Variants in ADAMTS3 observed in about 807,000 individuals in gnomAD.
ADAMTS3 encodes A disintegrin and metalloproteinase with thrombospondin motifs 3.
ADAMTS3 carries 73 observed loss-of-function variants against 129.0 expected under a neutral mutation model. The observed-to-expected ratio is 0.57, with a 90% confidence interval of 0.47 to 0.69. The LOEUF (loss-of-function observed/expected upper bound fraction) is 0.69. Among genes scored for constraint, ADAMTS3 ranks in the 30% least tolerant of loss-of-function variants. The pLI is 0.00. For missense variants in ADAMTS3, 1,457 were observed against 1,514.5 expected (o/e 0.96, Z 0.63); for synonymous variants, 477 against 510.8 (o/e 0.93, Z 0.89).
chr4:72,533,673 A>ATATTTATATATCCATATATATG (rs1164175826), intron 3 of ADAMTS3, among the ~76,000 whole-genome samples: 1 of 151,372 alleles, frequency 6.6e-6, no homozygotes, highest in Non-Finnish European at 1.5e-5. Flanking sequence ...GTATATGCAC[A>ATATTTATATATCCATATATATG]TATATGCACA....
intron 4 of ADAMTS3, among the ~76,000 whole-genome samples, chr4:72,354,890 C>T (rs13112257): frequency 0.99 from 151,184 of 152,068 alleles, 75,159 homozygotes; most frequent in East Asian, 1. Context: ...GTTCTAGACA[C>T]TGGATTGTGT....
chr4:72,518,728 T>C (rs1189806068), intron 3 of ADAMTS3, among the ~76,000 whole-genome samples: 2 of 151,792 alleles, frequency 1.3e-5, no homozygotes, highest in Non-Finnish European at 2.9e-5. Flanking sequence ...AGCCTATGTG[T>C]GTCTCTGCAC....
intron 4 of ADAMTS3, among the ~76,000 whole-genome samples, chr4:72,353,359 C>T (rs987400317): frequency 6.6e-6 from 1 of 151,954 alleles, no homozygotes; most frequent in Non-Finnish European, 1.5e-5. Context: ...ACTGGATGAA[C>T]TCATATGAGA....
chr4:72,428,235 C>T (rs1722617347), intron 3 of ADAMTS3, among the ~76,000 whole-genome samples: 1 of 151,904 alleles, frequency 6.6e-6, no homozygotes. Flanking sequence ...TAGTAAAATG[C>T]TTTTCGTAAG....
chr4:72,418,056 G>T (rs1455089260), intron 3 of ADAMTS3, among the ~76,000 whole-genome samples: 1 of 151,742 alleles, frequency 6.6e-6, no homozygotes, highest in Non-Finnish European at 1.5e-5. Flanking sequence ...TAAAATACAT[G>T]CCTACTGAAA....
chr4:72,488,713 T>C (rs1309796462), intron 3 of ADAMTS3, among the ~76,000 whole-genome samples: 1 of 151,996 alleles, frequency 6.6e-6, no homozygotes, highest in East Asian at 1.9e-4. Flanking sequence ...GATAGACATA[T>C]ATATTTATGA....
At chr4:72,431,284 G>T (rs187682719) in intron 3 of ADAMTS3, among the ~76,000 whole-genome samples, 6 of 152,054 alleles carry the variant, frequency 3.9e-5, no homozygotes, top group Admixed American at 3.9e-4. Flanking sequence ...TCCAGGAACT[G>T]CGGATAATAC....
rs568730246 is a variant in ADAMTS3 at position 72,550,104 on chromosome 4, A to G, written c.98-1220T>C. ...GAGGAAGAAGAAGAAGAAGAAGAAGAAGAAGAAGAAGAAGGCATAGAAAGG... is the reference window on the plus strand; with the variant it reads ...GAGGAAGAAGAAGAAGAAGAAGAAGGAGAAGAAGAAGAAGGCATAGAAAGG... On this transcript the variant is annotated intron_variant, in intron 2 of 21. Coordinates refer to ENST00000286657, the MANE Select transcript of ADAMTS3 (RefSeq NM_014243.3). Among the ~76,000 whole-genome samples the G allele has an allele frequency of 2.5e-4, 34 of 137,056 alleles. 8 individuals carry two copies. Among genetic ancestry groups the G allele is most frequent in the South Asian group, 1.3e-3 (5 of 3,966 alleles). 89.9% of individuals were successfully genotyped at this position (137,056 alleles called of 152,430 possible). A position where few individuals can be genotyped will look rare whatever the true frequency, so the allele number is the denominator to read the frequency against.
intron 3 of ADAMTS3, among the ~76,000 whole-genome samples, chr4:72,464,167 C>T (rs1371509345): frequency 6.6e-6 from 1 of 152,036 alleles, no homozygotes; most frequent in East Asian, 1.9e-4. Context: ...CTGCTGCTCA[C>T]TTTTTAAATC....
intron 4 of ADAMTS3, among the ~76,000 whole-genome samples, chr4:72,350,592 C>G (rs1720408224): frequency 1.3e-5 from 2 of 151,968 alleles, no homozygotes; most frequent in African/African-American, 4.8e-5. Context: ...AATTACTTGA[C>G]AAGTTTGTTC....
intron 3 of ADAMTS3, among the ~76,000 whole-genome samples, chr4:72,440,916 T>G (rs1299595482): frequency 5.3e-5 from 8 of 151,800 alleles, no homozygotes; most frequent in African/African-American, 1.9e-4. Flanking sequence ...TTTATCTAAT[T>G]AAAATTAACA....
At chr4:72,432,992 T>C (rs1431279858) in intron 3 of ADAMTS3, among the ~76,000 whole-genome samples, 4 of 151,988 alleles carry the variant, frequency 2.6e-5, no homozygotes, top group African/African-American at 9.7e-5. Flanking sequence ...CATATATTTC[T>C]CAGTTCTCAT....
In ADAMTS3 at chr4:72,311,036, A is replaced by G. The variant is rs1719219239; in HGVS notation, c.2055+12T>C. Reference sequence around the variant, plus strand: ...AACGTAGAAAGCCTTTGGGGAAGCAATTTGAACTTACCACACACTCTCCTC... The same window carrying G: ...AACGTAGAAAGCCTTTGGGGAAGCAGTTTGAACTTACCACACACTCTCCTC... On this transcript the variant is annotated intron_variant, in intron 14 of 21. Transcript: ENST00000286657. The G allele has an allele frequency of 6.3e-7, 1 of 1,579,450 alleles. No individual in the cohort carries two copies. The highest frequency in any genetic ancestry group is 1.2e-5 in the South Asian group (1 of 85,542).
chr4:72,432,133 T>C (rs926443246), intron 3 of ADAMTS3, among the ~76,000 whole-genome samples: 4 of 151,918 alleles, frequency 2.6e-5, no homozygotes, highest in African/African-American at 9.7e-5. Flanking sequence ...GTTCTTCTCT[T>C]CCTAGGTACA....
At chr4:72,413,088 A>G (rs569184893) in intron 4 of ADAMTS3, among the ~76,000 whole-genome samples, 1 of 152,110 alleles carries the variant, frequency 6.6e-6, no homozygotes, top group East Asian at 1.9e-4. Context: ...TTCAAGAAAA[A>G]AACTCTTCTT....
chr4:72,332,448 T>C (rs952192233), intron 5 of ADAMTS3, among the ~76,000 whole-genome samples: 1 of 152,156 alleles, frequency 6.6e-6, no homozygotes, highest in Admixed American at 6.6e-5. Flanking sequence ...GTAGCTAATT[T>C]CAATATACAA....
At chr4:72,373,152 A>C (rs1211042032) in intron 4 of ADAMTS3, among the ~76,000 whole-genome samples, 1 of 152,198 alleles carries the variant, frequency 6.6e-6, no homozygotes, top group African/African-American at 2.4e-5. Context: ...GGGAATCTTT[A>C]AAACATAGCA....
chr4:72,351,317 TAACA>T (rs1720428679), intron 4 of ADAMTS3, among the ~76,000 whole-genome samples: 2 of 151,870 alleles, frequency 1.3e-5, no homozygotes, highest in East Asian at 3.9e-4. Context: ...TGTTACAGGG[TAACA>T]TGCCTTAAAA....
chr4:72,284,946 T>C (rs1052750309), intron 21 of ADAMTS3, among the ~76,000 whole-genome samples: 1 of 152,174 alleles, frequency 6.6e-6, no homozygotes, highest in African/African-American at 2.4e-5. Flanking sequence ...TAGAGTAGCA[T>C]CCCTGCATAT....
Sources: allele counts gnomAD v4.1 joint callset (sites outside exome capture counted in the v4.1 genomes callset), GRCh38; gene constraint gnomAD v4.1.1; transcripts MANE v1.5; gene names NCBI Gene and HGNC (gene_info 2026-07-23, HGNC 2026-07-21).